Variants in PTPRD observed in about 807,000 individuals in gnomAD.
PTPRD encodes receptor-type tyrosine-protein phosphatase delta.
PTPRD carries 34 observed loss-of-function variants against 214.5 expected under a neutral mutation model. That is an observed-to-expected ratio of 0.16 (90% confidence interval 0.12 to 0.21). PTPRD has a LOEUF of 0.21. PTPRD is among the 10% of genes least tolerant of loss of function. The pLI, the probability that PTPRD is intolerant of heterozygous loss-of-function variation, is 1.00. For missense variants in PTPRD, 2,545 were observed against 2,398.7 expected, an observed-to-expected ratio of 1.06 and a Z score of -1.27; for synonymous variants, 1,128 against 845.7, an observed-to-expected ratio of 1.33 and a Z score of -5.79.
Position 8,578,458 on chromosome 9 carries a change from T to C in PTPRD, c.353-49679A>G, listed in dbSNP as rs373664591. Among the ~76,000 whole-genome samples the C allele has an allele frequency of 6.6e-5, 10 of 152,336 alleles. No individual in the cohort carries two copies. In the East Asian group the frequency reaches 1.9e-3, roughly 29 times the overall value. ...GATATTAAAAGCTGTAATACTATTA[T>C]TTGATTCATAATTTAATTCGGTGTT... On this transcript the variant is annotated intron_variant, in intron 14 of 45. Coordinates refer to ENST00000381196, the MANE Select transcript of PTPRD (RefSeq NM_002839.4).
At chr9:9,071,492 C>A (rs536921424) in intron 10 of PTPRD, among the ~76,000 whole-genome samples, 72 of 152,150 alleles carry the variant, frequency 4.7e-4, no homozygotes, top group African/African-American at 1.6e-3. Flanking sequence ...GTGATGCAAG[C>A]AGTCAGGTTG....
chr9:8,749,931 A>C (rs1017128241), intron 11 of PTPRD, among the ~76,000 whole-genome samples: 2 of 151,964 alleles, frequency 1.3e-5, no homozygotes, highest in Admixed American at 1.3e-4. Context: ...GTGAAACCCC[A>C]TCTCTCCTAA....
intron 5 of PTPRD, among the ~76,000 whole-genome samples, chr9:9,905,389 C>T (rs1269392113): frequency 1.3e-5 from 2 of 151,874 alleles, no homozygotes; most frequent in Non-Finnish European, 2.9e-5. Context: ...ATATAAAATA[C>T]ATTCTAAATC....
intron 37 of PTPRD, among the ~76,000 whole-genome samples, chr9:8,387,681 A>G (rs538899111): frequency 3.9e-5 from 6 of 152,276 alleles, no homozygotes; most frequent in African/African-American, 1.4e-4. Context: ...TTCAATTCCT[A>G]TCCCTGACCT....
intron 44 of PTPRD, among the ~76,000 whole-genome samples, chr9:8,322,586 GA>G (rs1829506823): frequency 6.6e-6 from 1 of 152,186 alleles, no homozygotes; most frequent in Non-Finnish European, 1.5e-5. Context: ...AGAAAAGTTT[GA>G]AGTTAGCACA....
chr9:8,824,313 G>C (rs1363675777), intron 11 of PTPRD, among the ~76,000 whole-genome samples: 1 of 152,086 alleles, frequency 6.6e-6, no homozygotes, highest in Non-Finnish European at 1.5e-5. Context: ...GAGAACCTTT[G>C]ATCCTAAGGG....
chr9:10,423,326 G>T (rs1275877000), intron 2 of PTPRD, among the ~76,000 whole-genome samples: 1 of 151,784 alleles, frequency 6.6e-6, no homozygotes, highest in Non-Finnish European at 1.5e-5. Flanking sequence ...GCAGGGAGAG[G>T]GATACTATTA....
intron 2 of PTPRD, among the ~76,000 whole-genome samples, chr9:10,474,871 C>T (rs1309062085): frequency 6.6e-6 from 1 of 152,130 alleles, no homozygotes; most frequent in East Asian, 1.9e-4. Flanking sequence ...GAACAACCTG[C>T]TCCTGAATGA....
At chr9:9,278,363 T>G (rs1318668906) in intron 9 of PTPRD, among the ~76,000 whole-genome samples, 1 of 151,274 alleles carries the variant, frequency 6.6e-6, no homozygotes, top group African/African-American at 2.4e-5. Flanking sequence ...TTATATACAG[T>G]GGGAAATTCA....
At chr9:9,250,657 G>T (rs1022224822) in intron 9 of PTPRD, among the ~76,000 whole-genome samples, 1 of 152,124 alleles carries the variant, frequency 6.6e-6, no homozygotes, top group East Asian at 1.9e-4. Context: ...AGAAAATTTG[G>T]TCTGCCTTTT....
At chr9:9,479,461 A>T (rs2095301485) in intron 8 of PTPRD, among the ~76,000 whole-genome samples, 1 of 152,030 alleles carries the variant, frequency 6.6e-6, no homozygotes. Flanking sequence ...TGAGGACTTG[A>T]TTCTTTTCAA....
chr9:10,028,509 G>A (rs1350703523), intron 4 of PTPRD, among the ~76,000 whole-genome samples: 1 of 152,156 alleles, frequency 6.6e-6, no homozygotes, highest in East Asian at 1.9e-4. Context: ...GCATGGCTTT[G>A]ACCAAAATGC....
intron 9 of PTPRD, among the ~76,000 whole-genome samples, chr9:9,343,656 A>C (rs946024359): frequency 6.6e-6 from 1 of 152,216 alleles, no homozygotes; most frequent in African/African-American, 2.4e-5. Context: ...AATCAGATAA[A>C]ACATTATATC....
At chr9:10,513,439 T>A (rs562359789) in intron 2 of PTPRD, among the ~76,000 whole-genome samples, 1 of 152,164 alleles carries the variant, frequency 6.6e-6, no homozygotes, top group Non-Finnish European at 1.5e-5. Context: ...ATGAAAATAT[T>A]TTAAAGTGAG....
At chr9:9,748,147 T>C (rs762979404) in intron 6 of PTPRD, among the ~76,000 whole-genome samples, 11 of 152,194 alleles carry the variant, frequency 7.2e-5, no homozygotes, top group Admixed American at 6.5e-4. Context: ...TGCTGTAAAA[T>C]AGTGGGTTGC....
chr9:9,289,916 C>A (rs965833511), intron 9 of PTPRD, among the ~76,000 whole-genome samples: 18 of 151,760 alleles, frequency 1.2e-4, no homozygotes, highest in Admixed American at 9.9e-4. Flanking sequence ...TGCAAAAAAA[C>A]ATAGCACTGC....
In PTPRD at chr9:9,791,700, A is replaced by G. The variant is rs190575372; in HGVS notation, c.-367-24849T>C. Among the ~76,000 whole-genome samples the G allele has an allele frequency of 5.3e-3, 810 of 152,222 alleles. 4 individuals carry two copies. The highest frequency in any genetic ancestry group is 0.018 in the African/African-American group (768 of 41,546). On this transcript the variant is annotated intron_variant, in intron 5 of 45. Coordinates refer to ENST00000381196, the MANE Select transcript of PTPRD (RefSeq NM_002839.4). The stretch of plus-strand genomic sequence containing the variant: ...TTGTTTTGGTCAAGCTATCATTTAG[A>G]TCTTACCAACAGTCTTTCCTTTTAA...
intron 4 of PTPRD, among the ~76,000 whole-genome samples, chr9:10,011,300 T>C (rs1461571996): frequency 1.3e-5 from 2 of 151,958 alleles, no homozygotes; most frequent in African/African-American, 4.8e-5. Flanking sequence ...GTGGGTTGGA[T>C]TGAATTTAGT....
chr9:9,730,616 A>G (rs1476256842), intron 7 of PTPRD, among the ~76,000 whole-genome samples: 2 of 152,084 alleles, frequency 1.3e-5, no homozygotes, highest in Admixed American at 6.6e-5. Flanking sequence ...CAGGGTTACT[A>G]CTCAAATATA....
Sources: allele counts gnomAD v4.1 joint callset (sites outside exome capture counted in the v4.1 genomes callset), GRCh38; gene constraint gnomAD v4.1.1; transcripts MANE v1.5; gene names NCBI Gene and HGNC (gene_info 2026-07-23, HGNC 2026-07-21).